The following EGFR variants were observed in gnomAD, a reference collection of about 807,000 sequenced individuals.
EGFR encodes the protein epidermal growth factor receptor, also known as avian erythroblastic leukemia viral (v-erb-b) oncogene homolog.
EGFR carries 58 observed loss-of-function variants against 143.0 expected under a neutral mutation model. The ratio of observed to expected loss-of-function variants is 0.41; its 90% CI spans 0.33 to 0.50. EGFR has a LOEUF of 0.50. EGFR is among the 20% of genes least tolerant of loss of function. The pLI is 0.39. For synonymous variants in EGFR, 613 were observed against 594.4 expected (o/e 1.03, Z -0.45); for missense variants, 1,307 against 1,579.0 (o/e 0.83, Z 2.92).
intron 13 of EGFR, among the ~76,000 whole-genome samples, chr7:55,162,614 G>T (rs17336835): frequency 2.2e-3 from 334 of 152,288 alleles, no homozygotes; most frequent in South Asian, 6.8e-3. Flanking sequence ...CACGTGGGGA[G>T]CCCCATGTCC....
intron 20 of EGFR, chr7:55,182,595 G>A (rs1786937407): frequency 6.6e-6 from 1 of 152,244 alleles, no homozygotes; most frequent in Admixed American, 6.5e-5. Context: ...TCCCATGGCA[G>A]AGCTCCTGGG....
rs1380850976 is a variant in EGFR, at chr7:55,100,340, GCT to G, written c.89-41945_89-41944del. 4.6e-5 allele frequency among the ~76,000 whole-genome samples: 7 copies of G among 152,348 alleles called. No individual in the cohort carries two copies. The South Asian group carries it at 1.4e-3, about 32-fold the overall frequency. On this transcript the variant is annotated intron_variant, in intron 1 of 27. Transcript: ENST00000275493. ...CTGTCATCAGATTGCTCCAATCACAGCTGTGGCTTGCACACAACCGCCATCTC... is the reference window on the plus strand; with the variant it reads ...CTGTCATCAGATTGCTCCAATCACAGGTGGCTTGCACACAACCGCCATCTC...
intron 1 of EGFR, among the ~76,000 whole-genome samples, chr7:55,086,124 G>A (rs988133501): frequency 6.6e-6 from 1 of 152,184 alleles, no homozygotes; most frequent in Non-Finnish European, 1.5e-5. Context: ...CGTGTCTACA[G>A]TGCCTCACAA....
chr7:55,143,622 C>G, intron 3 of EGFR, 134 bp downstream of exon 3: 1 of 971,704 alleles, frequency 1.0e-6, no homozygotes, highest in Non-Finnish European at 1.6e-6. Flanking sequence ...CACTGAGTGC[C>G]GGCTGTGTGT....
chr7:55,087,038 G>A (rs898787620), intron 1 of EGFR, among the ~76,000 whole-genome samples: 1 of 151,970 alleles, frequency 6.6e-6, no homozygotes, highest in East Asian at 1.9e-4. Flanking sequence ...TTATCTACTG[G>A]TCAGAGTTTA....
Position 55,159,992 on chromosome 7 carries a change from G to A in EGFR, c.1299-147G>A, listed in dbSNP as rs983773716. The A allele has an allele frequency of 2.7e-5, 21 of 781,892 alleles. No individual in the cohort carries two copies. In the African/African-American group the frequency reaches 3.5e-4, roughly 13 times the overall value. The allele number at this position is 781,892 out of a possible 1,614,324, so 48.4% of individuals were successfully genotyped here. On this transcript the variant is annotated intron_variant, in intron 11 of 27. Coordinates refer to ENST00000275493, the MANE Select transcript of EGFR (RefSeq NM_005228.5). Reference sequence around the variant, plus strand: ...TTAAAAACACCTGCAGTTTTCAAAAGGTGCAGTGTGTGCCTCCCACAGCAT... The same window carrying A: ...TTAAAAACACCTGCAGTTTTCAAAAAGTGCAGTGTGTGCCTCCCACAGCAT...
At chr7:55,078,302 C>A (rs1429658815) in intron 1 of EGFR, among the ~76,000 whole-genome samples, 5 of 152,136 alleles carry the variant, frequency 3.3e-5, no homozygotes, top group African/African-American at 1.2e-4. Context: ...CACCCCCCAC[C>A]CCACCCCACC....
chr7:55,070,684 A>C (rs1316986992), intron 1 of EGFR, among the ~76,000 whole-genome samples: 1 of 152,166 alleles, frequency 6.6e-6, no homozygotes, highest in Non-Finnish European at 1.5e-5. Context: ...CCCCCAGTTT[A>C]TGTCTTAATT....
chr7:55,174,890 C>T (rs2128955051), intron 19 of EGFR, 70 bp downstream of exon 19: 3 of 1,224,500 alleles, frequency 2.4e-6, no homozygotes, highest in Non-Finnish European at 3.6e-6. Flanking sequence ...TCATGTCTGG[C>T]AGCTGCTCTG....
intron 15 of EGFR, among the ~76,000 whole-genome samples, chr7:55,169,099 A>AT (rs750170891): frequency 0.014 from 2,014 of 145,672 alleles, 63 homozygotes; most frequent in East Asian, 0.059. Flanking sequence ...AGGAATAGCT[A>AT]TTTCTTTTTT....
Position 55,134,838 on chromosome 7 carries a change from A to G in EGFR, c.89-7448A>G, listed in dbSNP as rs1794048951. On this transcript the variant is annotated intron_variant, in intron 1 of 27. Coordinates refer to ENST00000275493, the MANE Select transcript of EGFR (RefSeq NM_005228.5). ...TCATGCTCCATATTTAGAGAGATCT[A>G]TGATTTCTGAGGCCCTTTCATGTCC... is the stretch of plus-strand genomic sequence containing the variant. 2.0e-5 allele frequency among the ~76,000 whole-genome samples: 3 copies of G among 152,354 alleles called. No individual in the cohort carries two copies. In the South Asian group the frequency reaches 6.2e-4, roughly 32 times the overall value.
intron 16 of EGFR, 78 bp from the exon 17 acceptor site, chr7:55,172,905 T>C (rs746217493): frequency 6.2e-7 from 1 of 1,612,964 alleles, no homozygotes; most frequent in African/African-American, 1.3e-5. Flanking sequence ...CACTGAAACA[T>C]GCAGGGGCGT....
intron 1 of EGFR, among the ~76,000 whole-genome samples, chr7:55,132,889 G>A (rs559365761): frequency 1.3e-5 from 2 of 152,328 alleles, no homozygotes; most frequent in South Asian, 2.1e-4. Flanking sequence ...TGCCTGGTGT[G>A]CATCTCAGAG....
At chr7:55,158,692 G>C (rs1453739654) in intron 11 of EGFR, among the ~76,000 whole-genome samples, 2 of 152,220 alleles carry the variant, frequency 1.3e-5, no homozygotes, top group Non-Finnish European at 2.9e-5. Context: ...CATTTAATGA[G>C]AAGTCTGGTG....
At chr7:55,121,310 T>C (rs1793188240) in intron 1 of EGFR, among the ~76,000 whole-genome samples, 1 of 152,346 alleles carries the variant, frequency 6.6e-6, no homozygotes, top group African/African-American at 2.4e-5. Context: ...TCTTCTCTCA[T>C]TGCTGCTGCT....
chr7:55,138,228 A>C (rs887571253), intron 1 of EGFR, among the ~76,000 whole-genome samples: 34 of 150,116 alleles, frequency 2.3e-4, no homozygotes, highest in African/African-American at 8.1e-4. Context: ...ACAAAAAGTT[A>C]GTGCTTTGAA....
chr7:55,092,001 T>G (rs1791157513), intron 1 of EGFR, among the ~76,000 whole-genome samples: 2 of 130,048 alleles, frequency 1.5e-5, no homozygotes, highest in Non-Finnish European at 3.2e-5. Context: ...TCCTAGCATT[T>G]CCTAGTCCAC....
At chr7:55,104,640 C>T (rs780846177) in intron 1 of EGFR, among the ~76,000 whole-genome samples, 4 of 152,168 alleles carry the variant, frequency 2.6e-5, no homozygotes, top group East Asian at 1.9e-4. Context: ...AATATGTCGG[C>T]GTGTGAAGTC....
At chr7:55,184,666 T>C (rs1292478566) in intron 20 of EGFR, among the ~76,000 whole-genome samples, 1 of 152,228 alleles carries the variant, frequency 6.6e-6, no homozygotes, top group Non-Finnish European at 1.5e-5. Flanking sequence ...GTGTTTGTTG[T>C]ACTTTGATTA....
Sources: gnomAD v4.1 joint callset for allele counts (sites outside exome capture counted in the v4.1 genomes callset) on GRCh38, gnomAD v4.1.1 for gene constraint, MANE v1.5 for transcripts, NCBI Gene and HGNC (gene_info 2026-07-23, HGNC 2026-07-21) for gene names.